Variants in RNF180 observed in about 807,000 individuals in gnomAD.
The protein encoded by RNF180 is ring finger protein 180, also known as E3 ubiquitin-protein ligase RNF180.
Under a neutral mutation model 59.2 loss-of-function variants are expected in RNF180, and 38 were observed. The ratio of observed to expected loss-of-function variants is 0.64; its 90% confidence interval spans 0.50 to 0.84. The LOEUF (loss-of-function observed/expected upper bound fraction) is 0.84, where lower values mean the gene tolerates loss of function less well. RNF180 is among the 40% of genes least tolerant of loss of function. RNF180 has a pLI of 0.00. For missense variants in RNF180, 705 were observed against 700.9 expected (o/e 1.01, Z -0.07); for synonymous variants, 262 against 240.3 (o/e 1.09, Z -0.84).
At chr5:64,202,267 G>A (rs1396520967) in intron 2 of RNF180, among the ~76,000 whole-genome samples, 2 of 152,104 alleles carry the variant, frequency 1.3e-5, no homozygotes, top group African/African-American at 4.8e-5. Flanking sequence ...ATTCTTTTGT[G>A]CCTGACTTAT....
intron 7 of RNF180, among the ~76,000 whole-genome samples, chr5:64,354,555 C>CA (rs777712035): frequency 1.3e-4 from 19 of 147,450 alleles, no homozygotes; most frequent in South Asian, 4.3e-4. Flanking sequence ...TCAAACTGTT[C>CA]AAAAAAAAAA....
At chr5:64,354,862 A>G (rs1745955256) in intron 7 of RNF180, among the ~76,000 whole-genome samples, 1 of 151,908 alleles carries the variant, frequency 6.6e-6, no homozygotes, top group South Asian at 2.1e-4. Flanking sequence ...GCATTCGACA[A>G]AATCTAGCAC....
At chr5:64,276,463 TAAAGG>T (rs1294428504) in intron 5 of RNF180, among the ~76,000 whole-genome samples, 1 of 151,640 alleles carries the variant, frequency 6.6e-6, no homozygotes, top group Non-Finnish European at 1.5e-5. Flanking sequence ...AGAGATTTAG[TAAAGG>T]AGAGAAAAGA....
At chr5:64,332,850 A>C (rs143916919) in intron 7 of RNF180, among the ~76,000 whole-genome samples, 1 of 152,194 alleles carries the variant, frequency 6.6e-6, no homozygotes, top group Admixed American at 6.5e-5. Context: ...GAACTTCTGC[A>C]TAAGACCAAC....
chr5:64,272,628 A>G (rs183730569), intron 5 of RNF180, among the ~76,000 whole-genome samples: 30 of 152,164 alleles, frequency 2.0e-4, no homozygotes, highest in Non-Finnish European at 2.8e-4. Context: ...AAATTATTAG[A>G]TGCAAGAAAG....
chr5:64,340,459 A>G (rs1280034308), intron 7 of RNF180, among the ~76,000 whole-genome samples: 1 of 152,246 alleles, frequency 6.6e-6, no homozygotes, highest in African/African-American at 2.4e-5. Context: ...TGCTCAGTAT[A>G]AATCAAAGAA....
At chr5:64,293,518 A>G (rs1304275117) in intron 5 of RNF180, among the ~76,000 whole-genome samples, 3 of 152,098 alleles carry the variant, frequency 2.0e-5, no homozygotes, top group Admixed American at 2.0e-4. Context: ...TTTATTTTAA[A>G]TCTAAACTTG....
chr5:64,329,464 T>C (rs996656444), intron 6 of RNF180, among the ~76,000 whole-genome samples: 8 of 150,690 alleles, frequency 5.3e-5, no homozygotes, highest in Admixed American at 2.6e-4. Context: ...TTTCTTTTTT[T>C]TTTTTTTTCC....
At chr5:64,363,368 G>T (rs1746328710) in intron 7 of RNF180, among the ~76,000 whole-genome samples, 1 of 151,848 alleles carries the variant, frequency 6.6e-6, no homozygotes, top group African/African-American at 2.4e-5. Flanking sequence ...CCCATTGTTT[G>T]TTCATGTCAG....
At chr5:64,290,912 G>A (rs1472730129) in intron 5 of RNF180, among the ~76,000 whole-genome samples, 1 of 151,882 alleles carries the variant, frequency 6.6e-6, no homozygotes, top group East Asian at 1.9e-4. Context: ...ACTTGTTTAT[G>A]TGGTTGCTTC....
chr5:64,318,512 G>A (rs933578139), intron 5 of RNF180, among the ~76,000 whole-genome samples: 4 of 152,086 alleles, frequency 2.6e-5, no homozygotes, highest in African/African-American at 4.8e-5. Context: ...TGAAACTACA[G>A]AAAGTGAAAC....
chr5:64,345,018 T>G (rs1337803645), intron 7 of RNF180, among the ~76,000 whole-genome samples: 1 of 152,028 alleles, frequency 6.6e-6, no homozygotes. Context: ...ATTAATAAAA[T>G]CAGTGTTTTG....
intron 1 of RNF180, among the ~76,000 whole-genome samples, chr5:64,181,075 A>C (rs1750551474): frequency 1.3e-5 from 2 of 152,196 alleles, no homozygotes; most frequent in African/African-American, 4.8e-5. Context: ...GAGGGTAGGA[A>C]GTATCCAGCA....
intron 5 of RNF180, among the ~76,000 whole-genome samples, chr5:64,287,560 C>T (rs1179879948): frequency 1.3e-5 from 2 of 152,290 alleles, no homozygotes; most frequent in East Asian, 3.9e-4. Flanking sequence ...AAAAGCATTC[C>T]TCTTTCTCCA....
intron 5 of RNF180, among the ~76,000 whole-genome samples, chr5:64,243,680 G>A (rs760846603): frequency 5.3e-5 from 8 of 152,166 alleles, no homozygotes; most frequent in South Asian, 2.1e-4. Flanking sequence ...AGACTGAAAC[G>A]TTCCTGCCTG....
At chr5:64,283,046 A>G (rs1379979147) in intron 5 of RNF180, among the ~76,000 whole-genome samples, 1 of 152,124 alleles carries the variant, frequency 6.6e-6, no homozygotes, top group Non-Finnish European at 1.5e-5. Flanking sequence ...TCAAGTTTAG[A>G]TATCTTTGAG....
At chr5:64,241,107 T>C (rs1023304911) in intron 5 of RNF180, among the ~76,000 whole-genome samples, 1 of 152,212 alleles carries the variant, frequency 6.6e-6, no homozygotes, top group Non-Finnish European at 1.5e-5. Context: ...TAACATTAGA[T>C]ACATGATTTG....
intron 5 of RNF180, among the ~76,000 whole-genome samples, chr5:64,245,437 A>G (rs1743091309): frequency 6.6e-6 from 1 of 152,192 alleles, no homozygotes. Flanking sequence ...TAACAAGCAC[A>G]TGGAAAGCAA....
chr5:64,320,071 A>G (rs1340376722), intron 5 of RNF180, among the ~76,000 whole-genome samples: 3 of 152,212 alleles, frequency 2.0e-5, no homozygotes, highest in Non-Finnish European at 4.4e-5. Flanking sequence ...CCCATCCCAG[A>G]TCTACTGAAG....
Sources: allele counts gnomAD v4.1 joint callset (sites outside exome capture counted in the v4.1 genomes callset), GRCh38; gene constraint gnomAD v4.1.1; transcripts MANE v1.5; gene names NCBI Gene and HGNC (gene_info 2026-07-23, HGNC 2026-07-21).